IKZF2: variants seen among roughly 807,000 people sequenced by gnomAD.
The protein encoded by IKZF2 is IKAROS family zinc finger 2, also known as zinc finger protein Helios.
IKZF2 carries 15 observed loss-of-function variants against 49.2 expected under a neutral mutation model. The observed-to-expected ratio is 0.30, with a 90% CI of 0.20 to 0.47. The LOEUF (loss-of-function observed/expected upper bound fraction) is 0.47. Among genes scored for constraint, IKZF2 ranks in the 20% least tolerant of loss-of-function variants. IKZF2 has a pLI of 1.00. For synonymous variants in IKZF2, 227 were observed against 221.4 expected (o/e 1.03, Z -0.23); for missense variants, 567 against 664.6 (o/e 0.85, Z 1.61).
At chr2:213,125,157 T>C (rs2060216509) in intron 4 of IKZF2, among the ~76,000 whole-genome samples, 2 of 152,180 alleles carry the variant, frequency 1.3e-5, no homozygotes, top group Admixed American at 6.5e-5. Context: ...GATACAGAAA[T>C]AAAAGTCACA....
chr2:213,041,150 T>A (rs1373377113), intron 6 of IKZF2, among the ~76,000 whole-genome samples: 1 of 152,098 alleles, frequency 6.6e-6, no homozygotes, highest in Non-Finnish European at 1.5e-5. Flanking sequence ...AATACTATGT[T>A]AAAAGTTCAC....
chr2:213,013,630 G>T (rs1034759512), intron 8 of IKZF2, among the ~76,000 whole-genome samples, 161 bp downstream of exon 8: 1 of 151,874 alleles, frequency 6.6e-6, no homozygotes, highest in Non-Finnish European at 1.5e-5. Flanking sequence ...TGTAAGTGTG[G>T]TGTACACAGA....
chr2:213,110,089 GCAAA>G (rs1396457124), intron 4 of IKZF2, among the ~76,000 whole-genome samples: 7 of 151,946 alleles, frequency 4.6e-5, no homozygotes, highest in Non-Finnish European at 8.8e-5. Context: ...AGTTCCACTG[GCAAA>G]CAGTTGAAGG....
rs897030476 is a variant in IKZF2 at position 213,073,338 on chromosome 2, T to C, written c.140-16239A>G. 2.0e-5 allele frequency among the ~76,000 whole-genome samples: 3 copies of C among 152,170 alleles called. No individual in the cohort carries two copies. The East Asian group carries it at 5.8e-4, about 29-fold the overall frequency. ...TTCAGTGAGTAAGAGTGGAGGTAAA[T>C]GTTAGTGTCTCAGTTTCCCAATAAG... is the stretch of plus-strand genomic sequence containing the variant. On this transcript the variant is annotated intron_variant, in intron 4 of 8. Transcript: ENST00000434687.
intron 4 of IKZF2, among the ~76,000 whole-genome samples, chr2:213,069,735 GC>G (rs1255802020): frequency 6.6e-6 from 1 of 151,980 alleles, no homozygotes; most frequent in African/African-American, 2.4e-5. Flanking sequence ...TTACTACACT[GC>G]CTAACACCTT....
intron 5 of IKZF2, among the ~76,000 whole-genome samples, chr2:213,052,133 A>G (rs1264340631): frequency 1.3e-5 from 2 of 152,038 alleles, no homozygotes; most frequent in Non-Finnish European, 2.9e-5. Context: ...CATTTACAAA[A>G]TACTCTAGAT....
At chr2:213,148,541 G>A in intron 3 of IKZF2, 55 bp downstream of exon 3, 1 of 1,211,142 alleles carries the variant, frequency 8.3e-7, no homozygotes, top group South Asian at 1.3e-5. Flanking sequence ...TAAAACACAG[G>A]TAATACAAAG....
At chr2:213,058,281 G>C (rs1208629731) in intron 4 of IKZF2, among the ~76,000 whole-genome samples, 2 of 152,050 alleles carry the variant, frequency 1.3e-5, no homozygotes, top group African/African-American at 2.4e-5. Flanking sequence ...TGTTTGCAAA[G>C]TACAGATGAA....
intron 4 of IKZF2, among the ~76,000 whole-genome samples, chr2:213,061,597 T>G (rs1559222598): frequency 6.6e-6 from 1 of 151,530 alleles, no homozygotes; most frequent in Admixed American, 6.6e-5. Context: ...CATTCATTTA[T>G]AGAACTCATC....
intron 4 of IKZF2, among the ~76,000 whole-genome samples, chr2:213,131,134 A>T (rs2060462548): frequency 6.6e-6 from 1 of 152,178 alleles, no homozygotes; most frequent in Admixed American, 6.5e-5. Context: ...TTTTGTAAAG[A>T]TTGTGTATAT....
At chr2:213,139,195 G>A (rs542029575) in intron 4 of IKZF2, among the ~76,000 whole-genome samples, 1 of 151,976 alleles carries the variant, frequency 6.6e-6, no homozygotes, top group African/African-American at 2.4e-5. Context: ...ATTAATATAG[G>A]TTACAGACTG....
chr2:213,111,554 A>G (rs1454507119), intron 4 of IKZF2, among the ~76,000 whole-genome samples: 2 of 152,180 alleles, frequency 1.3e-5, no homozygotes, highest in East Asian at 3.9e-4. Context: ...AAATTTTTAT[A>G]ATCTTATTTT....
chr2:213,016,436 G>A (rs532530539), intron 7 of IKZF2, among the ~76,000 whole-genome samples: 1 of 152,224 alleles, frequency 6.6e-6, no homozygotes, highest in East Asian at 1.9e-4. Context: ...TGTAAGGTCT[G>A]CCATTGGGTA....
chr2:213,031,832 A>C (rs1014702100), intron 6 of IKZF2, among the ~76,000 whole-genome samples: 10 of 152,218 alleles, frequency 6.6e-5, no homozygotes, highest in Non-Finnish European at 1.3e-4. Flanking sequence ...ATATATACAT[A>C]TCAATTGTTT....
chr2:213,112,688 T>C (rs2059751970), intron 4 of IKZF2, among the ~76,000 whole-genome samples: 1 of 152,128 alleles, frequency 6.6e-6, no homozygotes, highest in African/African-American at 2.4e-5. Context: ...TTGGTTTCTA[T>C]ACATTACACC....
At chr2:213,118,988 A>AGTCT (rs2059963736) in intron 4 of IKZF2, among the ~76,000 whole-genome samples, 1 of 152,236 alleles carries the variant, frequency 6.6e-6, no homozygotes, top group Non-Finnish European at 1.5e-5. Flanking sequence ...AAACTATGTC[A>AGTCT]GTCTCAAAAA....
At chr2:213,097,947 T>G (rs1415002748) in intron 4 of IKZF2, 2 of 306,580 alleles carry the variant, frequency 6.5e-6, no homozygotes, top group Non-Finnish European at 1.3e-5. Context: ...AATTCTATAT[T>G]TTTGAAAAAG....
At chr2:213,095,945 T>C (rs1417811284) in intron 4 of IKZF2, among the ~76,000 whole-genome samples, 2 of 151,994 alleles carry the variant, frequency 1.3e-5, no homozygotes, top group Non-Finnish European at 2.9e-5. Context: ...AATTCCCATT[T>C]GTAGTATCTT....
intron 4 of IKZF2, among the ~76,000 whole-genome samples, chr2:213,119,415 C>A (rs929400794): frequency 4.6e-5 from 7 of 151,820 alleles, no homozygotes; most frequent in African/African-American, 1.7e-4. Context: ...TGAGATGAAA[C>A]AAATTTCCCT....
Sources: allele counts gnomAD v4.1 joint callset (sites outside exome capture counted in the v4.1 genomes callset), GRCh38; gene constraint gnomAD v4.1.1; transcripts MANE v1.5; gene names NCBI Gene and HGNC (gene_info 2026-07-23, HGNC 2026-07-21).